The following ADAMTS17 variants were observed in gnomAD, a reference collection of about 807,000 sequenced individuals.
ADAMTS17 encodes the protein ADAM metallopeptidase with thrombospondin type 1 motif 17.
Under a neutral mutation model 141.5 loss-of-function variants are expected in ADAMTS17, and 113 were observed. The ratio of observed to expected loss-of-function variants is 0.80; its 90% confidence interval spans 0.69 to 0.93. ADAMTS17 has a LOEUF of 0.93. Ranked by LOEUF, ADAMTS17 falls within the 40% of genes least tolerant of loss-of-function variation. The pLI is 0.00. For synonymous variants in ADAMTS17, 768 were observed against 630.6 expected (o/e 1.22, Z -3.27); for missense variants, 1,659 against 1,517.9 (o/e 1.09, Z -1.54).
chr15:100,164,612 G>A (rs1309053425), intron 8 of ADAMTS17, among the ~76,000 whole-genome samples: 3 of 152,176 alleles, frequency 2.0e-5, no homozygotes, highest in Non-Finnish European at 4.4e-5. Context: ...GCAAGTTGCA[G>A]CCCCTCGAGC....
chr15:100,008,753 A>T (rs2061092751), intron 18 of ADAMTS17, among the ~76,000 whole-genome samples: 1 of 152,216 alleles, frequency 6.6e-6, no homozygotes, highest in Non-Finnish European at 1.5e-5. Context: ...AGCCAGCCTG[A>T]AAAAACAGGC....
At position 99,974,415 on chromosome 15, in the gene ADAMTS17, G is replaced by C; in HGVS notation, c.3275C>G (p.Pro1092Arg). 1 of 1,614,190 alleles carries C rather than the reference G, an allele frequency of 6.2e-7. No homozygotes were observed. The highest frequency in any genetic ancestry group is 8.5e-7 in the Non-Finnish European group (1 of 1,180,048). Residue 1092 changes from proline (P) to arginine (R), a missense_variant, in exon 22 of 22, where the codon CCG becomes CGG. Physicochemically the swap from Pro to Arg is moderately radical, Grantham distance 103. Coordinates refer to ENST00000268070, the MANE Select transcript of ADAMTS17 (RefSeq NM_139057.4). Reference sequence around the variant, plus strand: ...TGGGACTGCGTGTCACGAGTTCGGCGGTGGCTGGCGCATCTTGTTTGCATA... The same window carrying C: ...TGGGACTGCGTGTCACGAGTTCGGCCGTGGCTGGCGCATCTTGTTTGCATA... Reference protein sequence around the residue: ...DFYANKMRQPPPNS With the variant: ...DFYANKMRQPRPNS
intron 15 of ADAMTS17, among the ~76,000 whole-genome samples, chr15:100,076,855 A>G (rs962459388): frequency 3.3e-5 from 5 of 152,210 alleles, no homozygotes; most frequent in Admixed American, 1.3e-4. Flanking sequence ...ACTCAATATT[A>G]TATCATACTA....
intron 10 of ADAMTS17, among the ~76,000 whole-genome samples, chr15:100,142,832 T>C (rs747597954): frequency 1.4e-4 from 21 of 152,276 alleles, no homozygotes; most frequent in Non-Finnish European, 1.9e-4. Context: ...CTATAACCAG[T>C]CTAGATCCTG....
chr15:100,108,844 G>T, intron 14 of ADAMTS17, 145 bp downstream of exon 14: 1 of 1,384,824 alleles, frequency 7.2e-7, no homozygotes, highest in Non-Finnish European at 1.0e-6. Flanking sequence ...AACACTGGCG[G>T]CAGGAGGCGG....
chr15:100,214,391 A>T (rs2041905403), intron 7 of ADAMTS17, among the ~76,000 whole-genome samples: 1 of 152,240 alleles, frequency 6.6e-6, no homozygotes. Context: ...GTATTATAAC[A>T]TTAATATTAT....
intron 2 of ADAMTS17, among the ~76,000 whole-genome samples, chr15:100,334,067 T>C (rs886216992): frequency 2.0e-5 from 3 of 152,190 alleles, no homozygotes; most frequent in Non-Finnish European, 4.4e-5. Flanking sequence ...AGTGGTTACC[T>C]TTCAACTCTC....
At chr15:100,304,020 G>C (rs1035268933) in intron 3 of ADAMTS17, among the ~76,000 whole-genome samples, 1 of 152,164 alleles carries the variant, frequency 6.6e-6, no homozygotes, top group East Asian at 1.9e-4. Flanking sequence ...CGCCGCACCC[G>C]GCCTTAATCA....
chr15:100,104,309 G>GT (rs1277485565), intron 14 of ADAMTS17, among the ~76,000 whole-genome samples: 1 of 152,116 alleles, frequency 6.6e-6, no homozygotes, highest in Non-Finnish European at 1.5e-5. Context: ...AATACACAAT[G>GT]TTTCTGTTAC....
intron 15 of ADAMTS17, among the ~76,000 whole-genome samples, chr15:100,086,543 A>T (rs1489224368): frequency 6.6e-6 from 1 of 152,180 alleles, no homozygotes; most frequent in Non-Finnish European, 1.5e-5. Flanking sequence ...CAGAATATAC[A>T]TTCTTCTCAG....
At chr15:100,000,038 T>C (rs1049935509) in intron 18 of ADAMTS17, among the ~76,000 whole-genome samples, 4 of 152,106 alleles carry the variant, frequency 2.6e-5, no homozygotes, top group Non-Finnish European at 4.4e-5. Context: ...TGGGGTGCAG[T>C]TGTGAGGACA....
chr15:100,291,573 A>C (rs561460130), intron 3 of ADAMTS17, among the ~76,000 whole-genome samples: 2 of 152,342 alleles, frequency 1.3e-5, no homozygotes, highest in South Asian at 4.1e-4. Flanking sequence ...TCACAATAGC[A>C]AAAACCTGGA....
intron 3 of ADAMTS17, among the ~76,000 whole-genome samples, chr15:100,327,058 AT>A (rs540774425): frequency 1.3e-5 from 2 of 152,122 alleles, no homozygotes; most frequent in East Asian, 1.9e-4. Flanking sequence ...GAGGTTGCAC[AT>A]TTTTTTTGTG....
intron 8 of ADAMTS17, among the ~76,000 whole-genome samples, chr15:100,178,953 A>G (rs1262611907): frequency 1.3e-5 from 2 of 151,420 alleles, no homozygotes; most frequent in Non-Finnish European, 3.0e-5. Flanking sequence ...ATTGTTCCCA[A>G]TTTTTTTTTC....
chr15:100,261,670 A>G, intron 5 of ADAMTS17, 34 bp from the exon 6 acceptor site: 1 of 1,604,498 alleles, frequency 6.2e-7, no homozygotes. Flanking sequence ...AGAGAAACAA[A>G]CGCCTGGGAG....
At chr15:100,018,170 G>T (rs1328547918) in intron 18 of ADAMTS17, among the ~76,000 whole-genome samples, 2 of 144,154 alleles carry the variant, frequency 1.4e-5, no homozygotes, top group African/African-American at 5.9e-5. Flanking sequence ...ATACAGTATT[G>T]TCCTTCTGTG....
At chr15:100,185,792 C>T (rs1260679921) in intron 8 of ADAMTS17, among the ~76,000 whole-genome samples, 3 of 152,202 alleles carry the variant, frequency 2.0e-5, no homozygotes, top group African/African-American at 4.8e-5. Flanking sequence ...TCATCCCCTT[C>T]CCTTGCCTAT....
At chr15:100,178,316 GTA>G (rs2040408968) in intron 8 of ADAMTS17, among the ~76,000 whole-genome samples, 1 of 152,102 alleles carries the variant, frequency 6.6e-6, no homozygotes, top group Non-Finnish European at 1.5e-5. Context: ...ATATCACTCT[GTA>G]TAGTTCTCTT....
At chr15:100,161,969 T>C (rs573040888) in intron 8 of ADAMTS17, among the ~76,000 whole-genome samples, 5 of 152,230 alleles carry the variant, frequency 3.3e-5, no homozygotes, top group African/African-American at 1.2e-4. Context: ...CAGAGTAGAC[T>C]GGGGGTCGCC....
Sources: gnomAD v4.1 joint callset for allele counts (sites outside exome capture counted in the v4.1 genomes callset) on GRCh38, gnomAD v4.1.1 for gene constraint, MANE v1.5 for transcripts, NCBI Gene and HGNC (gene_info 2026-07-23, HGNC 2026-07-21) for gene names.